The following CTNNA1 variants were observed in gnomAD, a reference collection of about 807,000 sequenced individuals.
The protein encoded by CTNNA1 is catenin alpha-1.
In CTNNA1, 37 loss-of-function variants were observed where a neutral mutation model predicts 98.4. The ratio of observed to expected loss-of-function variants is 0.38; its 90% confidence interval spans 0.29 to 0.49. The LOEUF is 0.49. Ranked by LOEUF, CTNNA1 falls within the 20% of genes least tolerant of loss-of-function variation. The probability of loss-of-function intolerance (pLI) is 0.95; values close to 1 mark genes in which losing one functional copy is unlikely to be tolerated. For synonymous variants in CTNNA1, 404 were observed against 413.2 expected (o/e 0.98, Z 0.27); for missense variants, 761 against 1,147.2 (o/e 0.66, Z 4.86).
At chr5:138,904,721 C>T in intron 10 of CTNNA1, 1 of 307,086 alleles carries the variant, frequency 3.3e-6, no homozygotes, top group South Asian at 8.5e-5. Context: ...CTTTGGGATC[C>T]CAAAGTGGAT....
chr5:138,896,290 GGCCTCA>G (rs1756797836), intron 9 of CTNNA1, among the ~76,000 whole-genome samples: 1 of 152,094 alleles, frequency 6.6e-6, no homozygotes, highest in Non-Finnish European at 1.5e-5. Context: ...TCAAACTCCT[GGCCTCA>G]AGATATCCTC....
At chr5:138,848,985 T>A (rs111364216) in intron 7 of CTNNA1, among the ~76,000 whole-genome samples, 1,877 of 152,194 alleles carry the variant, frequency 0.012, 42 homozygotes, top group African/African-American at 0.038. Context: ...GCCTCCCAAA[T>A]TGCTGGGATT....
At chr5:138,819,154 T>C (rs773185173) in intron 5 of CTNNA1, among the ~76,000 whole-genome samples, 8 of 152,160 alleles carry the variant, frequency 5.3e-5, no homozygotes, top group Non-Finnish European at 1.2e-4. Flanking sequence ...CCAATAGGGC[T>C]CAGTGGCAAG....
intron 1 of CTNNA1, 39 bp downstream of exon 1, chr5:138,753,549 G>C (rs1174935863): frequency 8.0e-6 from 3 of 373,376 alleles, no homozygotes; most frequent in South Asian, 2.6e-4. Context: ...GCGGTCTCTC[G>C]GGCCAGGCCG....
intron 1 of CTNNA1, among the ~76,000 whole-genome samples, chr5:138,759,362 G>A (rs1199348599): frequency 2.0e-5 from 3 of 152,114 alleles, no homozygotes; most frequent in Non-Finnish European, 4.4e-5. Flanking sequence ...TTTTGAGCCT[G>A]CACCTTTCCC....
intron 9 of CTNNA1, among the ~76,000 whole-genome samples, chr5:138,902,730 T>G (rs1758345637): frequency 6.6e-6 from 1 of 152,252 alleles, no homozygotes; most frequent in South Asian, 2.1e-4. Flanking sequence ...ACCAGCGATC[T>G]TTGTTAGTCA....
intron 7 of CTNNA1, among the ~76,000 whole-genome samples, chr5:138,836,310 T>G (rs892742144): frequency 2.6e-5 from 4 of 152,258 alleles, no homozygotes; most frequent in Admixed American, 6.5e-5. Flanking sequence ...TGTGTCTATT[T>G]CACTTAGTAT....
At chr5:138,877,906 T>G (rs906885312) in intron 7 of CTNNA1, among the ~76,000 whole-genome samples, 1 of 152,154 alleles carries the variant, frequency 6.6e-6, no homozygotes, top group East Asian at 1.9e-4. Context: ...AGCATTTTAG[T>G]CAGTTGGATT....
At chr5:138,894,595 C>T (rs767347389) in intron 9 of CTNNA1, among the ~76,000 whole-genome samples, 2 of 152,048 alleles carry the variant, frequency 1.3e-5, no homozygotes, top group East Asian at 3.9e-4. Flanking sequence ...GTGGCCACCT[C>T]CCTAGTCTGC....
intron 3 of CTNNA1, among the ~76,000 whole-genome samples, chr5:138,806,070 G>A (rs947741813): frequency 1.3e-5 from 2 of 152,162 alleles, no homozygotes; most frequent in Non-Finnish European, 2.9e-5. Flanking sequence ...TATATGGTGT[G>A]AGATAGGGGT....
chr5:138,914,793 C>T (rs1223304606), intron 10 of CTNNA1, among the ~76,000 whole-genome samples: 2 of 152,148 alleles, frequency 1.3e-5, no homozygotes, highest in Non-Finnish European at 2.9e-5. Flanking sequence ...ACACTCCTGC[C>T]TCATCCAGGT....
In CTNNA1 at chr5:138,838,737, C is replaced by T. The variant is rs116432269; in HGVS notation, c.1062+11019C>T. On this transcript the variant is annotated intron_variant, in intron 7 of 17. Coordinates refer to ENST00000302763, the MANE Select transcript of CTNNA1 (RefSeq NM_001903.5). ...ATCTAAGCCCTGCTTTGTCTGCATC[C>T]GATAAATTCTGATACGTTGTATTTT... is the stretch of plus-strand genomic sequence containing the variant. Among the ~76,000 whole-genome samples, 1,140 of 152,124 alleles carry T rather than the reference C, an allele frequency of 7.5e-3. 15 individuals carry two copies. Among genetic ancestry groups the T allele is most frequent in the African/African-American group, 0.025 (1,040 of 41,522 alleles).
rs1367151270 is a variant in CTNNA1, at chr5:138,873,143, A to C, written c.1063-13069A>C. On this transcript the variant is annotated intron_variant, in intron 7 of 17. Transcript: ENST00000302763. The surrounding 1 kb of genome is among the most constrained non-coding windows in gnomAD (Gnocchi z 6.1). Reference sequence around the variant, plus strand: ...TTGGTCTGACATGTTTGACATATGGAGTCGTGTTTGGGATCGGAGCTGCCT... The same window carrying C: ...TTGGTCTGACATGTTTGACATATGGCGTCGTGTTTGGGATCGGAGCTGCCT... The C allele has an allele frequency of 6.2e-7, 1 of 1,613,936 alleles. No individual in the cohort carries two copies. Among genetic ancestry groups the C allele is most frequent in the Admixed American group, 1.7e-5 (1 of 60,012 alleles).
rs556918699 is a variant in CTNNA1 at position 138,831,631 on chromosome 5, A to G, written c.1062+3913A>G. 4.0e-5 allele frequency among the ~76,000 whole-genome samples: 6 copies of G among 151,430 alleles called. No homozygotes were observed. The South Asian group carries it at 1.2e-3, about 31-fold the overall frequency. ...CATTTGTTTTTCATCTCTTTGCTGA[A>G]GGCCATTTCAAACTACATCATCTTA... On this transcript the variant is annotated intron_variant, in intron 7 of 17. Transcript: ENST00000302763.
intron 7 of CTNNA1, chr5:138,880,904 G>A (rs1014150920): frequency 1.0e-5 from 4 of 394,780 alleles, no homozygotes; most frequent in Non-Finnish European, 2.0e-5. Context: ...TAGGTTCTGG[G>A]CTGGAGGGGC....
At chr5:138,871,216 G>A (rs535564485) in intron 7 of CTNNA1, 4 of 152,236 alleles carry the variant, frequency 2.6e-5, no homozygotes, top group African/African-American at 9.6e-5. Flanking sequence ...TTGATGTTGG[G>A]GAAAAGATAA....
At chr5:138,823,728 C>T (rs28363399) in intron 5 of CTNNA1, among the ~76,000 whole-genome samples, 3,471 of 151,940 alleles carry the variant, frequency 0.023, 131 homozygotes, top group African/African-American at 0.08. Flanking sequence ...GAGGCCGAGG[C>T]GGGCGGATCA....
At chr5:138,843,679 A>G (rs1762457407) in intron 7 of CTNNA1, among the ~76,000 whole-genome samples, 1 of 152,236 alleles carries the variant, frequency 6.6e-6, no homozygotes. Flanking sequence ...GCTGAGTAGC[A>G]GCTATGAATT....
chr5:138,875,632 C>G, intron 7 of CTNNA1: 1 of 985,380 alleles, frequency 1.0e-6, no homozygotes, highest in South Asian at 4.7e-5. Flanking sequence ...ATTTTTAATG[C>G]TTGTGAGAGC....
Sources: allele counts gnomAD v4.1 joint callset (sites outside exome capture counted in the v4.1 genomes callset), GRCh38; gene constraint gnomAD v4.1.1; non-coding constraint Gnocchi (gnomAD v3.1); transcripts MANE v1.5; gene names NCBI Gene and HGNC (gene_info 2026-07-23, HGNC 2026-07-21).